KCNQ5: variants seen among roughly 807,000 people sequenced by gnomAD.
KCNQ5 encodes potassium voltage-gated channel subfamily KQT member 5.
Under a neutral mutation model 98.2 loss-of-function variants are expected in KCNQ5, and 30 were observed. The ratio of observed to expected loss-of-function variants is 0.31; its 90% confidence interval spans 0.23 to 0.41. The LOEUF is 0.41. Among genes scored for constraint, KCNQ5 ranks in the 10% least tolerant of loss-of-function variants. The pLI is 1.00. For synonymous variants in KCNQ5, 458 were observed against 449.4 expected (o/e 1.02, Z -0.24); for missense variants, 835 against 1,182.5 (o/e 0.71, Z 4.31).
chr6:72,723,104 C>T (rs917127008), intron 1 of KCNQ5, among the ~76,000 whole-genome samples: 2 of 152,126 alleles, frequency 1.3e-5, no homozygotes, highest in African/African-American at 2.4e-5. Context: ...AATCCTCCCA[C>T]CTCAACCTCC....
chr6:72,725,556 G>A (rs1456197822), intron 1 of KCNQ5, among the ~76,000 whole-genome samples: 1 of 152,164 alleles, frequency 6.6e-6, no homozygotes, highest in Non-Finnish European at 1.5e-5. Context: ...GTTGATCAAA[G>A]AGTACACAAT....
intron 5 of KCNQ5, among the ~76,000 whole-genome samples, chr6:73,094,797 A>G (rs529850716): frequency 6.6e-6 from 1 of 152,242 alleles, no homozygotes; most frequent in East Asian, 1.9e-4. Flanking sequence ...TCTGCTGTTA[A>G]TCTAATAGGT....
chr6:72,748,587 G>A (rs1395745960), intron 1 of KCNQ5, among the ~76,000 whole-genome samples: 1 of 152,110 alleles, frequency 6.6e-6, no homozygotes, highest in Non-Finnish European at 1.5e-5. Flanking sequence ...AATTTAAGGA[G>A]TTTCTTGCTT....
chr6:73,027,733 A>G (rs576818892), intron 2 of KCNQ5, among the ~76,000 whole-genome samples: 1 of 152,326 alleles, frequency 6.6e-6, no homozygotes, highest in South Asian at 2.1e-4. Context: ...CTTTTAATAA[A>G]TAATACAAAA....
At chr6:72,833,915 G>A (rs975641905) in intron 1 of KCNQ5, among the ~76,000 whole-genome samples, 22 of 151,914 alleles carry the variant, frequency 1.4e-4, no homozygotes, top group Middle Eastern at 3.2e-3. Context: ...AAAATATAAG[G>A]TTGGATGAAA....
intron 2 of KCNQ5, among the ~76,000 whole-genome samples, chr6:73,017,607 AAAC>A (rs1464401466): frequency 6.6e-6 from 1 of 152,166 alleles, no homozygotes; most frequent in Non-Finnish European, 1.5e-5. Flanking sequence ...GCAGCTTGAC[AAAC>A]AACATTACAG....
In KCNQ5 at chr6:72,923,201, G is replaced by C. The variant is rs185152165; in HGVS notation, c.399-80707G>C. Among the ~76,000 whole-genome samples, 6 of 152,144 alleles carry C rather than the reference G, an allele frequency of 3.9e-5. 1 individual carries two copies. Among genetic ancestry groups the C allele is most frequent in the Admixed American group, 1.3e-4 (2 of 15,270 alleles). ...TTGTGAATAATGCTTCAGTAAACTTGAGAGTGCAGATATCTCTTCCACATA... is the reference window on the plus strand; with the variant it reads ...TTGTGAATAATGCTTCAGTAAACTTCAGAGTGCAGATATCTCTTCCACATA... On this transcript the variant is annotated intron_variant, in intron 1 of 13. Transcript: ENST00000370398.
chr6:72,730,329 A>C lies in KCNQ5; in HGVS notation c.398+107742A>C, dbSNP rs1156301928. ...ATTTAGATTTTTTTTTGTTTTCTTT[A>C]ATATGGATTAATTTATTAGTTTTTC... On this transcript the variant is annotated intron_variant, in intron 1 of 13. Coordinates refer to ENST00000370398, the MANE Select transcript of KCNQ5 (RefSeq NM_019842.4). Among the ~76,000 whole-genome samples, 4 of 151,678 alleles carry C rather than the reference A, an allele frequency of 2.6e-5. No homozygotes were observed. The South Asian group carries it at 8.3e-4, about 32-fold the overall frequency.
intron 10 of KCNQ5, among the ~76,000 whole-genome samples, chr6:73,167,498 A>C (rs910537399): frequency 2.6e-5 from 4 of 152,204 alleles, no homozygotes. Flanking sequence ...GCCTCAGATG[A>C]GGTACTTACC....
intron 1 of KCNQ5, among the ~76,000 whole-genome samples, chr6:72,905,579 T>C (rs892676138): frequency 3.3e-5 from 5 of 152,186 alleles, no homozygotes; most frequent in Non-Finnish European, 7.4e-5. Flanking sequence ...TCCCTTGATG[T>C]AGTACTCTCC....
intron 1 of KCNQ5, among the ~76,000 whole-genome samples, chr6:72,863,382 T>C (rs1280299505): frequency 6.6e-6 from 1 of 152,216 alleles, no homozygotes. Context: ...ACACTCACTT[T>C]AGAAATACGT....
intron 1 of KCNQ5, among the ~76,000 whole-genome samples, chr6:73,001,405 TACCAA>T (rs1202375862): frequency 6.6e-6 from 1 of 152,214 alleles, no homozygotes; most frequent in African/African-American, 2.4e-5. Context: ...GAAGGCACTG[TACCAA>T]AGGCTACCAG....
intron 1 of KCNQ5, among the ~76,000 whole-genome samples, chr6:72,838,478 A>T (rs565892171): frequency 3.1e-4 from 47 of 152,246 alleles, no homozygotes; most frequent in Middle Eastern, 3.4e-3. Flanking sequence ...AAATTATATC[A>T]CTTTAATTTT....
At chr6:72,936,053 C>T (rs575478130) in intron 1 of KCNQ5, among the ~76,000 whole-genome samples, 13 of 152,286 alleles carry the variant, frequency 8.5e-5, no homozygotes, top group South Asian at 2.1e-4. Context: ...TCTGGTAATG[C>T]CCTTTTTTAT....
chr6:72,623,336 C>A (rs1175083118), intron 1 of KCNQ5, among the ~76,000 whole-genome samples: 1 of 150,876 alleles, frequency 6.6e-6, no homozygotes, highest in Non-Finnish European at 1.5e-5. Context: ...AATGGGTCGC[C>A]TCTGACAGAG....
intron 1 of KCNQ5, among the ~76,000 whole-genome samples, chr6:72,729,937 G>C (rs1770475047): frequency 6.6e-6 from 1 of 152,146 alleles, no homozygotes; most frequent in Non-Finnish European, 1.5e-5. Flanking sequence ...GAGGTGGGAG[G>C]AACCTTTGAG....
chr6:73,015,156 T>C (rs1225587407), intron 2 of KCNQ5, among the ~76,000 whole-genome samples: 2 of 152,154 alleles, frequency 1.3e-5, no homozygotes, highest in East Asian at 3.9e-4. Flanking sequence ...ATGTGAGGAA[T>C]GAGCAATGCT....
intron 1 of KCNQ5, among the ~76,000 whole-genome samples, chr6:72,748,630 A>C (rs79969672): frequency 4.5e-3 from 691 of 152,288 alleles, no homozygotes; most frequent in Non-Finnish European, 7.5e-3. Flanking sequence ...TATGAGGCCC[A>C]TGCTAAGAAA....
chr6:73,019,269 C>A (rs4706520), intron 2 of KCNQ5, among the ~76,000 whole-genome samples: 151,853 of 152,272 alleles, frequency 1, 75,723 homozygotes, highest in Middle Eastern at 1. Context: ...CTGTTTACAA[C>A]GTTTCCTAGG....
Sources: gnomAD v4.1 joint callset for allele counts (sites outside exome capture counted in the v4.1 genomes callset) on GRCh38, gnomAD v4.1.1 for gene constraint, MANE v1.5 for transcripts, NCBI Gene and HGNC (gene_info 2026-07-23, HGNC 2026-07-21) for gene names.